Variants in EFCAB8 observed in about 807,000 individuals in gnomAD.
EFCAB8 encodes the protein EF-hand calcium binding domain 8.
In EFCAB8, 100 loss-of-function variants were observed where a neutral mutation model predicts 116.3. The observed-to-expected ratio is 0.86, with a 90% CI of 0.73 to 1.02. The LOEUF (loss-of-function observed/expected upper bound fraction) is 1.02, where lower values mean the gene tolerates loss of function less well. EFCAB8 is among the 50% of genes least tolerant of loss of function. EFCAB8 has a pLI of 0.00. For missense variants in EFCAB8, 1,320 were observed against 1,416.9 expected, an observed-to-expected ratio of 0.93 and a Z score of 1.10; for synonymous variants, 558 against 567.9, an observed-to-expected ratio of 0.98 and a Z score of 0.25.
chr20:32,908,309 G>A lies in EFCAB8; in HGVS notation c.1343G>A (p.Cys448Tyr). Reference sequence around the variant, plus strand: ...GTGTGGGACATGCTGGACTACATATGCCTCCAGTCCTTCTGTGGGAAGTTT... The same window carrying A: ...GTGTGGGACATGCTGGACTACATATACCTCCAGTCCTTCTGTGGGAAGTTT... ...IRVWDMLDYI[C>Y]LQSFCGKFFA... The change falls in exon 14 of 27, where the codon TGC (cysteine) becomes TAC (tyrosine). Residue 448 changes from cysteine (C) to tyrosine (Y), a missense_variant. Transcript: ENST00000400522. The A allele has an allele frequency of 1.6e-6, 2 of 1,249,894 alleles. No individual in the cohort carries two copies. Among genetic ancestry groups the A allele is most frequent in the South Asian group, 4.1e-5 (1 of 24,406 alleles). The allele number at this position is 1,249,894 out of a possible 1,614,324, so 77.4% of individuals were successfully genotyped here.
At chr20:32,952,499 C>T (rs1988831789) in intron 23 of EFCAB8, among the ~76,000 whole-genome samples, 2 of 152,076 alleles carry the variant, frequency 1.3e-5, no homozygotes, top group Non-Finnish European at 2.9e-5. Flanking sequence ...TATTTTTATC[C>T]TTTCTCCTTT....
chr20:32,874,669 G>A (rs1176478846), intron 3 of EFCAB8, among the ~76,000 whole-genome samples: 1 of 152,114 alleles, frequency 6.6e-6, no homozygotes, highest in African/African-American at 2.4e-5. Flanking sequence ...AGCCTCCCAA[G>A]TAGCTGGGAT....
chr20:32,902,278 G>A (rs1002348734), intron 11 of EFCAB8, among the ~76,000 whole-genome samples: 1 of 152,154 alleles, frequency 6.6e-6, no homozygotes, highest in Admixed American at 6.5e-5. Flanking sequence ...CATTGCAATA[G>A]TTGAGGCTGC....
chr20:32,920,820 T>TG (rs35529202), intron 20 of EFCAB8, among the ~76,000 whole-genome samples: 1 of 151,980 alleles, frequency 6.6e-6, no homozygotes, highest in African/African-American at 2.4e-5. Context: ...CCCTCTGGAT[T>TG]GGGGGTAACA....
intron 3 of EFCAB8, among the ~76,000 whole-genome samples, chr20:32,869,879 T>TA (rs1984603541): frequency 6.6e-6 from 1 of 152,262 alleles, no homozygotes; most frequent in African/African-American, 2.4e-5. Context: ...TTTCACTGGC[T>TA]AAGCTATTCC....
rs1179363565 is a variant in EFCAB8 at position 32,919,550 on chromosome 20, G to A, written c.2275-528G>A. Reference sequence around the variant, plus strand: ...CTCACTCTGTCACCCAGGCTAGAGTGCAGTGGCGTGGTCTTCGCTCAGTGC... The same window carrying A: ...CTCACTCTGTCACCCAGGCTAGAGTACAGTGGCGTGGTCTTCGCTCAGTGC... On this transcript the variant is annotated intron_variant, in intron 19 of 26. Coordinates refer to ENST00000400522, the MANE Select transcript of EFCAB8 (RefSeq NM_001143967.2). Among the ~76,000 whole-genome samples the A allele has an allele frequency of 2.6e-5, 4 of 152,244 alleles. No individual in the cohort carries two copies. The East Asian group carries it at 7.7e-4, about 29-fold the overall frequency.
intron 5 of EFCAB8, among the ~76,000 whole-genome samples, chr20:32,879,745 T>C (rs13038017): frequency 0.42 from 63,265 of 152,006 alleles, 15,342 homozygotes; most frequent in Non-Finnish European, 0.55. Context: ...CCTGTGTCTT[T>C]GGGCACCCCT....
intron 1 of EFCAB8, 148 bp downstream of exon 1, chr20:32,859,154 A>G (rs1398712083): frequency 2.4e-6 from 1 of 408,376 alleles, no homozygotes; most frequent in Non-Finnish European, 5.0e-6. Context: ...ATCTGCCTCT[A>G]CAAATTCGTA....
chr20:32,869,344 T>C (rs555552102), intron 3 of EFCAB8, among the ~76,000 whole-genome samples: 38 of 152,170 alleles, frequency 2.5e-4, no homozygotes, highest in Middle Eastern at 6.8e-3. Context: ...CAAGCGATTC[T>C]CCTGTCTCAG....
chr20:32,875,536 C>G (rs1162169435), intron 3 of EFCAB8, among the ~76,000 whole-genome samples: 1 of 72,658 alleles, frequency 1.4e-5, no homozygotes, highest in East Asian at 2.4e-4. Flanking sequence ...AGAGTTTTCT[C>G]TCTTGTTGCC....
Position 32,898,488 on chromosome 20 carries a change from C to A in EFCAB8, c.958-5C>A. 2.8e-6 allele frequency: 2 copies of A among 717,338 alleles called. No individual in the cohort carries two copies. The highest frequency in any genetic ancestry group is 4.6e-4 in the Middle Eastern group (2 of 4,366). 44.4% of individuals were successfully genotyped at this position (717,338 alleles called of 1,614,324 possible). ...AGTCTCCCACCATTGCTACTGTCTT[C>A]CCAGGCTCTCCATCCCAACTGGTGT... On this transcript the variant is annotated splice_polypyrimidine_tract_variant and splice_region_variant and intron_variant, in intron 10 of 26. Transcript: ENST00000400522.
Position 32,881,881 on chromosome 20 carries a change from A to G in EFCAB8, c.431+3074A>G, listed in dbSNP as rs78526194. Among the ~76,000 whole-genome samples, 327 of 152,300 alleles carry G rather than the reference A, an allele frequency of 2.1e-3. 7 individuals are homozygous for G. In the East Asian group the frequency reaches 0.051, roughly 24 times the overall value. ...ATCAGGCCCTTAGGGAATTCTGACA[A>G]CGTTTTAAAACATGGTGACTGTTTC... On this transcript the variant is annotated intron_variant, in intron 5 of 26. Transcript: ENST00000400522.
chr20:32,930,784 G>A (rs1227479443), intron 21 of EFCAB8, among the ~76,000 whole-genome samples, 168 bp downstream of exon 21: 1 of 152,184 alleles, frequency 6.6e-6, no homozygotes, highest in Admixed American at 6.5e-5. Flanking sequence ...CCAGTGACAG[G>A]AGCGGGTCTT....
intron 23 of EFCAB8, among the ~76,000 whole-genome samples, chr20:32,956,613 T>A (rs1267599061): frequency 6.6e-6 from 1 of 152,166 alleles, no homozygotes; most frequent in Non-Finnish European, 1.5e-5. Context: ...AATCATTCAG[T>A]GGTCTTCTGG....
chr20:32,879,776 C>T (rs985873418), intron 5 of EFCAB8, among the ~76,000 whole-genome samples: 17 of 152,206 alleles, frequency 1.1e-4, no homozygotes, highest in African/African-American at 3.9e-4. Context: ...TTATGACCGG[C>T]TTCAGGGGAA....
chr20:32,956,125 G>A (rs2051119), intron 23 of EFCAB8, among the ~76,000 whole-genome samples: 38,484 of 151,730 alleles, frequency 0.25, 5,277 homozygotes, highest in Middle Eastern at 0.36. Context: ...CTCTTTAAAT[G>A]GTATCTTTTG....
Position 32,893,217 on chromosome 20 carries a change from G to A in EFCAB8, c.802G>A (p.Gly268Ser), listed in dbSNP as rs1839491659. 3 of 1,551,954 alleles carry A rather than the reference G, an allele frequency of 1.9e-6. No homozygotes were observed. The African/African-American group carries it at 4.1e-5, about 21-fold the overall frequency. Residue 268 changes from glycine to serine, a missense_variant, in exon 9 of 27, where the codon GGC (glycine) becomes AGC (serine). Coordinates refer to ENST00000400522, the MANE Select transcript of EFCAB8 (RefSeq NM_001143967.2). The stretch of plus-strand genomic sequence containing the variant: ...TGTGTTCTGCTATGGAGACGCCAAA[G>A]GCAACGTCATTGTCTTCACCTCCGA... ...RGVFCYGDAK[G>S]NVIVFTSENM... is the part of the protein sequence containing the mutation.
At chr20:32,887,220 A>G (rs1397873191) in intron 6 of EFCAB8, among the ~76,000 whole-genome samples, 1 of 152,142 alleles carries the variant, frequency 6.6e-6, no homozygotes, top group Non-Finnish European at 1.5e-5. Flanking sequence ...CCTTCCTCCC[A>G]GCTTTTCAGA....
intron 23 of EFCAB8, among the ~76,000 whole-genome samples, chr20:32,948,035 A>G (rs1988659247): frequency 1.3e-5 from 2 of 152,186 alleles, no homozygotes; most frequent in Admixed American, 6.5e-5. Flanking sequence ...AGGAAAATCA[A>G]TGAACCCAAA....
Sources: gnomAD v4.1 joint callset for allele counts (sites outside exome capture counted in the v4.1 genomes callset) on GRCh38, gnomAD v4.1.1 for gene constraint, MANE v1.5 for transcripts, NCBI Gene and HGNC (gene_info 2026-07-23, HGNC 2026-07-21) for gene names.